The following ADSL variants were observed in gnomAD, a reference collection of about 807,000 sequenced individuals.
ADSL encodes the protein adenylosuccinase.
Under a neutral mutation model 62.1 loss-of-function variants are expected in ADSL, and 44 were observed. The ratio of observed to expected loss-of-function variants is 0.71; its 90% CI spans 0.56 to 0.91. The LOEUF is 0.91. Among genes scored for constraint, ADSL ranks in the 40% least tolerant of loss-of-function variants. The pLI, the probability that ADSL is intolerant of heterozygous loss-of-function variation, is 0.00. For synonymous variants in ADSL, 198 were observed against 220.5 expected, an observed-to-expected ratio of 0.90 and a Z score of 0.90; for missense variants, 531 against 627.4, an observed-to-expected ratio of 0.85 and a Z score of 1.64.
At chr22:40,363,392 A>G (rs2044869435) in intron 10 of ADSL, among the ~76,000 whole-genome samples, 1 of 152,170 alleles carries the variant, frequency 6.6e-6, no homozygotes, top group Admixed American at 6.5e-5. Flanking sequence ...TTTCTCTCCT[A>G]TACTTAGCTC....
intron 3 of ADSL, 192 bp downstream of exon 3, chr22:40,353,309 CCTTT>C (rs756852273): frequency 2.8e-6 from 2 of 706,000 alleles, no homozygotes; most frequent in Non-Finnish European, 5.2e-6. Flanking sequence ...TCCTCCTTCT[CCTTT>C]CTTCTTCTTC....
chr22:40,358,985 A>G lies in ADSL; in HGVS notation c.604A>G (p.Thr202Ala). The G allele has an allele frequency of 6.2e-7, 1 of 1,614,196 alleles. No homozygotes were observed. The highest frequency in any genetic ancestry group is 8.5e-7 in the Non-Finnish European group (1 of 1,180,044). The change falls in exon 5 of 13, where the codon ACT (threonine) becomes GCT (alanine). Residue 202 changes from threonine (T) to alanine (A), a missense_variant. Transcript: ENST00000623063. ...DLRFRGVKGT[T>A]GTQASFLQLF... ...GCGCTTCCGGGGAGTAAAGGGTACC[A>G]CTGGCACTCAGGCCAGTTTCCTGCA...
chr22:40,350,172 C>A, intron 2 of ADSL, 137 bp downstream of exon 2: 1 of 803,838 alleles, frequency 1.2e-6, no homozygotes, highest in Non-Finnish European at 2.0e-6. Flanking sequence ...CTCTGTCTCC[C>A]AGACTGGAGT....
intron 2 of ADSL, among the ~76,000 whole-genome samples, chr22:40,376,871 C>T (rs1215278491): frequency 6.6e-6 from 1 of 152,056 alleles, no homozygotes; most frequent in African/African-American, 2.4e-5. Context: ...CAAGCATTTA[C>T]GGTATTAAGT....
At position 40,369,249 on chromosome 22, in the gene ADSL, G is replaced by C. The variant is rs2045110272; in HGVS notation, c.*2727G>C. ...TGGTTTCTTCCTGGACTATTTGAAT[G>C]GGTGGATTTGTTGGTGCATCTCTTG... On this transcript the variant is annotated 3_prime_UTR_variant, in exon 13 of 13. Transcript: ENST00000623063. The C allele has an allele frequency of 6.6e-6, 1 of 152,048 alleles. No homozygotes were observed. The highest frequency in any genetic ancestry group is 2.4e-5 in the African/African-American group (1 of 41,398). 9.4% of individuals were successfully genotyped at this position (152,048 alleles called of 1,614,324 possible). A position where few individuals can be genotyped will look rare whatever the true frequency, so the allele number is the denominator to read the frequency against.
intron 2 of ADSL, among the ~76,000 whole-genome samples, chr22:40,387,023 C>T (rs1242251752): frequency 6.6e-6 from 1 of 152,126 alleles, no homozygotes; most frequent in African/African-American, 2.4e-5. Context: ...TGTTCCCGCA[C>T]ATGCACAGAT....
chr22:40,352,709 A>G (rs560840656), intron 2 of ADSL, among the ~76,000 whole-genome samples: 15 of 152,298 alleles, frequency 9.8e-5, no homozygotes, highest in African/African-American at 3.4e-4. Context: ...TGTGTTACAC[A>G]GACTGATGTT....
At position 40,346,578 on chromosome 22, in the gene ADSL, A is replaced by G. The variant is rs377248090; in HGVS notation, c.20A>G (p.His7Arg). The change falls in exon 1 of 13, where the codon CAT (histidine) becomes CGT (arginine). Residue 7 changes from histidine to arginine, a missense_variant. By Grantham distance (29) the His-to-Arg change is conservative (BLOSUM62 0). Transcript: ENST00000623063. Reference sequence around the variant, plus strand: ...GTTGGGATGGCGGCTGGAGGCGATCATGGTTCGCCCGACAGCTACCGCTCA... The same window carrying G: ...GTTGGGATGGCGGCTGGAGGCGATCGTGGTTCGCCCGACAGCTACCGCTCA... MAAGGD[H>R]GSPDSYRSPL... 6.2e-6 allele frequency: 10 copies of G among 1,605,954 alleles called. No individual in the cohort carries two copies. The highest frequency in any genetic ancestry group is 5.3e-5 in the African/African-American group (4 of 74,846).
chr22:40,378,884 T>C (rs17001867), intron 2 of ADSL, among the ~76,000 whole-genome samples: 3,448 of 152,252 alleles, frequency 0.023, 128 homozygotes, highest in African/African-American at 0.079. Flanking sequence ...TACCTGCTTT[T>C]CCTCACTTTT....
At position 40,364,711 on chromosome 22, in the gene ADSL, CAG is replaced by C. The variant is rs1192938423; in HGVS notation, c.1192-164_1192-163del. 5.6e-6 allele frequency: 4 copies of C among 720,680 alleles called. No individual in the cohort carries two copies. The East Asian group carries it at 1.1e-4, about 19-fold the overall frequency. The allele number at this position is 720,680 out of a possible 1,614,324, so 44.6% of individuals were successfully genotyped here. ...TTTCAGGCTTGTCCTAAGATGTGGG[CAG>C]AGAGTTGAGAAGACCCTGGTACAGA... On this transcript the variant is annotated intron_variant, in intron 11 of 12. Coordinates refer to ENST00000623063, the MANE Select transcript of ADSL (RefSeq NM_000026.4).
chr22:40,372,117 C>G (rs941316184), downstream of ADSL, among the ~76,000 whole-genome samples: 1 of 119,608 alleles, frequency 8.4e-6, no homozygotes, highest in Non-Finnish European at 1.7e-5. Context: ...CCCTGTCCCC[C>G]CCCCCTTTTT....
chr22:40,376,268 C>G (rs897234227), intron 2 of ADSL: 3 of 129,854 alleles, frequency 2.3e-5, no homozygotes, highest in Non-Finnish European at 3.1e-5. Flanking sequence ...ACTTACGGCT[C>G]TGCTGCTTGC....
At chr22:40,360,086 G>A (rs2044721644) in intron 6 of ADSL, among the ~76,000 whole-genome samples, 1 of 152,142 alleles carries the variant, frequency 6.6e-6, no homozygotes, top group African/African-American at 2.4e-5. Context: ...CCATTGTCCT[G>A]AGTATTAGTG....
At chr22:40,351,779 A>G (rs2044356619) in intron 2 of ADSL, among the ~76,000 whole-genome samples, 1 of 151,942 alleles carries the variant, frequency 6.6e-6, no homozygotes, top group South Asian at 2.1e-4. Flanking sequence ...TCAGCCTTCC[A>G]AGTAGCTAGG....
chr22:40,376,434 G>C (rs2046616183), intron 2 of ADSL: 1 of 151,916 alleles, frequency 6.6e-6, no homozygotes, highest in Non-Finnish European at 1.5e-5. Context: ...GATTACAGGT[G>C]CATGCCACTG....
At chr22:40,384,438 G>A (rs1038405393) in intron 2 of ADSL, among the ~76,000 whole-genome samples, 1 of 151,988 alleles carries the variant, frequency 6.6e-6, no homozygotes, top group Non-Finnish European at 1.5e-5. Context: ...ATAACATAGG[G>A]AGACCCCCAT....
At chr22:40,373,060 A>G (rs1488082233), downstream of ADSL, 1 of 152,198 alleles carries the variant, frequency 6.6e-6, no homozygotes, top group Non-Finnish European at 1.5e-5. Context: ...ACTGGAGCAC[A>G]AGATATGTGG....
At chr22:40,351,407 G>A (rs1314256905) in intron 2 of ADSL, among the ~76,000 whole-genome samples, 1 of 151,932 alleles carries the variant, frequency 6.6e-6, no homozygotes, top group South Asian at 2.1e-4. Flanking sequence ...CCTGACCTCA[G>A]ACGATCTACC....
intron 4 of ADSL, 123 bp from the exon 5 acceptor site, chr22:40,358,741 T>C: frequency 1.2e-6 from 1 of 834,538 alleles, no homozygotes; most frequent in South Asian, 1.5e-5. Flanking sequence ...TACCAGTTAC[T>C]CCCTCTCTTA....
Sources: allele counts gnomAD v4.1 joint callset (sites outside exome capture counted in the v4.1 genomes callset), GRCh38; gene constraint gnomAD v4.1.1; transcripts MANE v1.5; gene names NCBI Gene and HGNC (gene_info 2026-07-23, HGNC 2026-07-21).